ITGAM: variants seen among roughly 807,000 people sequenced by gnomAD.
ITGAM encodes integrin subunit alpha M.
In ITGAM, 79 loss-of-function variants were observed where a neutral mutation model predicts 137.5. The observed-to-expected ratio is 0.57, with a 90% CI of 0.48 to 0.69. ITGAM has a LOEUF of 0.69. ITGAM is among the 30% of genes least tolerant of loss of function. ITGAM has a pLI of 0.00. For synonymous variants in ITGAM, 583 were observed against 592.3 expected (o/e 0.98, Z 0.23); for missense variants, 1,343 against 1,483.5 (o/e 0.91, Z 1.56).
intron 14 of ITGAM, among the ~76,000 whole-genome samples, chr16:31,303,184 C>T (rs2080233182): frequency 6.6e-6 from 1 of 151,500 alleles, no homozygotes; most frequent in Non-Finnish European, 1.5e-5. Context: ...AGGTGTGCAC[C>T]CCCACGCTTG....
chr16:31,331,331 A>T lies in ITGAM; in HGVS notation c.3387+56A>T, dbSNP rs753525210. The T allele has an allele frequency of 9.5e-6, 9 of 949,406 alleles. No individual in the cohort carries two copies. The East Asian group carries it at 2.5e-4, about 26-fold the overall frequency. 58.8% of individuals were successfully genotyped at this position (949,406 alleles called of 1,614,324 possible). ...TTCATCCTCTCGGGCCTCGCGCTGC[A>T]GCTCCGTGCCTCGGTTTCCCCGGCG... On this transcript the variant is annotated intron_variant, in intron 29 of 29. Coordinates refer to ENST00000544665, the MANE Select transcript of ITGAM (RefSeq NM_000632.4).
At chr16:31,328,891 TATTC>T (rs2080543226) in intron 23 of ITGAM, 4 of 451,248 alleles carry the variant, frequency 8.9e-6, no homozygotes, top group East Asian at 8.9e-5. Flanking sequence ...CATGAGTGTG[TATTC>T]GTGCATGTGT....
chr16:31,330,042 C>T (rs1400637093), intron 25 of ITGAM, 39 bp from the exon 26 acceptor site: 9 of 1,601,552 alleles, frequency 5.6e-6, no homozygotes, highest in Non-Finnish European at 7.7e-6. Flanking sequence ...GCCCTGGCGC[C>T]TTCATCTCTG....
intron 11 of ITGAM, among the ~76,000 whole-genome samples, 180 bp from the exon 12 acceptor site, chr16:31,277,787 C>T (rs1012260892): frequency 6.6e-6 from 1 of 152,206 alleles, no homozygotes; most frequent in African/African-American, 2.4e-5. Context: ...GCCACCGCAC[C>T]CGGCCAGAAA....
chr16:31,315,224 T>A (rs2080378425), intron 14 of ITGAM, among the ~76,000 whole-genome samples: 1 of 152,166 alleles, frequency 6.6e-6, no homozygotes, highest in South Asian at 2.1e-4. Flanking sequence ...TTTCCCCCAG[T>A]CTGTAGGTTG....
At chr16:31,309,874 T>C (rs939258384) in intron 14 of ITGAM, among the ~76,000 whole-genome samples, 32 of 152,168 alleles carry the variant, frequency 2.1e-4, no homozygotes, top group Admixed American at 5.9e-4. Context: ...TCAGCATTTG[T>C]TTGTCTGTAA....
chr16:31,282,340 T>C (rs951387377), intron 12 of ITGAM, among the ~76,000 whole-genome samples: 2 of 152,184 alleles, frequency 1.3e-5, no homozygotes, highest in Non-Finnish European at 2.9e-5. Flanking sequence ...CCCATTATTA[T>C]TGTGTGGGAG....
chr16:31,291,635 A>G (rs1567261864), intron 12 of ITGAM, among the ~76,000 whole-genome samples: 1 of 152,114 alleles, frequency 6.6e-6, no homozygotes, highest in Non-Finnish European at 1.5e-5. Context: ...TGTGATTTGC[A>G]ATAACAGGAT....
chr16:31,298,479 A>G (rs901589973), intron 14 of ITGAM, among the ~76,000 whole-genome samples: 16 of 152,222 alleles, frequency 1.1e-4, no homozygotes, highest in South Asian at 2.1e-4. Flanking sequence ...GGTGCATGAT[A>G]GCCTCATCAC....
In ITGAM at chr16:31,271,932, T is replaced by C; in HGVS notation, c.644T>C (p.Val215Ala). 1 of 1,613,968 alleles carries C rather than the reference T, an allele frequency of 6.2e-7. No homozygotes were observed. Among genetic ancestry groups the C allele is most frequent in the Non-Finnish European group, 8.5e-7 (1 of 1,179,874 alleles). ...AACAACCCTAACCCAAGATCACTGG[T>C]GAAGCCAATAACGCAGCTGCTTGGG... ...FQNNPNPRSL[V>A]KPITQLLGRT... Residue 215 changes from valine (V) to alanine (A), a missense_variant, in exon 7 of 30, where the codon GTG (valine) becomes GCG (alanine). Coordinates refer to ENST00000544665, the MANE Select transcript of ITGAM (RefSeq NM_000632.4).
intron 16 of ITGAM, among the ~76,000 whole-genome samples, chr16:31,323,152 C>T (rs2080468126): frequency 6.6e-6 from 1 of 151,914 alleles, no homozygotes; most frequent in Non-Finnish European, 1.5e-5. Flanking sequence ...CCCAAACTGG[C>T]CAGTCACGGT....
At chr16:31,260,758 G>A (rs2079689837) in intron 1 of ITGAM, among the ~76,000 whole-genome samples, 1 of 152,178 alleles carries the variant, frequency 6.6e-6, no homozygotes, top group Admixed American at 6.5e-5. Flanking sequence ...TCTTAGGTCA[G>A]GAGTCAGCAA....
At chr16:31,303,760 C>CA (rs1364305252) in intron 14 of ITGAM, among the ~76,000 whole-genome samples, 2 of 152,132 alleles carry the variant, frequency 1.3e-5, no homozygotes, top group Non-Finnish European at 2.9e-5. Flanking sequence ...CAAGTTGCTG[C>CA]AAAATACATT....
Position 31,332,034 on chromosome 16 carries a change from C to T in ITGAM, c.*327C>T, listed in dbSNP as rs1279612572. 3.2e-6 allele frequency: 1 copy of T among 312,772 alleles called. No homozygotes were observed. Among genetic ancestry groups the T allele is most frequent in the African/African-American group, 2.2e-5 (1 of 46,132 alleles). The allele number at this position is 312,772 out of a possible 1,614,324, so 19.4% of individuals were successfully genotyped here. On this transcript the variant is annotated 3_prime_UTR_variant, in exon 30 of 30. Transcript: ENST00000544665. ...GTGCGAGTGTGTGCATGTGTGTGCT[C>T]AGGGGCGTGTGGCTCACGTGTGTGA...
intron 11 of ITGAM, among the ~76,000 whole-genome samples, chr16:31,277,595 T>A (rs1252766035): frequency 1.3e-5 from 2 of 152,096 alleles, no homozygotes; most frequent in Non-Finnish European, 2.9e-5. Flanking sequence ...CAACCTCAGG[T>A]GATCCACCTG....
chr16:31,261,517 T>A (rs1596962638), intron 1 of ITGAM, among the ~76,000 whole-genome samples, 175 bp from the exon 2 acceptor site: 1 of 151,820 alleles, frequency 6.6e-6, no homozygotes, highest in East Asian at 1.9e-4. Context: ...GTTTTTGTTT[T>A]TTTTTTGTAT....
chr16:31,261,155 G>C (rs1480172912), intron 1 of ITGAM, among the ~76,000 whole-genome samples: 1 of 151,492 alleles, frequency 6.6e-6, no homozygotes, highest in Non-Finnish European at 1.5e-5. Flanking sequence ...TAGGGTGACC[G>C]AATGGATGGG....
intron 2 of ITGAM, among the ~76,000 whole-genome samples, chr16:31,262,243 CTTCCTTCCTTCCTTCCTTCT>C (rs1413726307): frequency 1.4e-5 from 2 of 148,112 alleles, no homozygotes; most frequent in Middle Eastern, 3.5e-3. Flanking sequence ...CCCTTCCTCC[CTTCCTTCCTTCCTTCCTTCT>C]TTCCTTCCTT....
At chr16:31,266,830 T>C (rs1361398239) in intron 5 of ITGAM, among the ~76,000 whole-genome samples, 2 of 151,220 alleles carry the variant, frequency 1.3e-5, no homozygotes, top group Non-Finnish European at 2.9e-5. Flanking sequence ...TCCCCAAACC[T>C]CTGTTGATTG....
Sources: gnomAD v4.1 joint callset for allele counts (sites outside exome capture counted in the v4.1 genomes callset) on GRCh38, gnomAD v4.1.1 for gene constraint, MANE v1.5 for transcripts, NCBI Gene and HGNC (gene_info 2026-07-23, HGNC 2026-07-21) for gene names.